The following TXNDC16 variants were observed in gnomAD, a reference collection of about 807,000 sequenced individuals.
TXNDC16 encodes the protein thioredoxin domain containing 16, also known as thioredoxin domain-containing protein 16.
A neutral mutation model predicts 85.6 loss-of-function variants in TXNDC16; 74 were observed. The observed-to-expected ratio is 0.86, with a 90% CI of 0.72 to 1.05. The LOEUF is 1.05. TXNDC16 is among the 50% of genes least tolerant of loss of function. TXNDC16 has a pLI of 0.00. For missense variants in TXNDC16, 959 were observed against 947.0 expected, an observed-to-expected ratio of 1.01 and a Z score of -0.17; for synonymous variants, 335 against 326.5, an observed-to-expected ratio of 1.03 and a Z score of -0.28.
At chr14:52,543,009 C>T (rs1363544302) in intron 3 of TXNDC16, among the ~76,000 whole-genome samples, 2 of 151,922 alleles carry the variant, frequency 1.3e-5, no homozygotes, top group Admixed American at 1.3e-4. Context: ...TAAAGCATTA[C>T]ATTTAAAGTT....
chr14:52,549,731 C>T (rs146047337), intron 1 of TXNDC16, among the ~76,000 whole-genome samples: 75 of 151,848 alleles, frequency 4.9e-4, no homozygotes, highest in African/African-American at 1.5e-3. Context: ...TCTGCCTCCC[C>T]GGTTCATGCC....
intron 6 of TXNDC16, among the ~76,000 whole-genome samples, chr14:52,527,069 T>C (rs1034498576): frequency 3.3e-5 from 5 of 152,342 alleles, no homozygotes; most frequent in African/African-American, 9.6e-5. Context: ...TCCTTTGCGA[T>C]ACTCTTTGTA....
intron 7 of TXNDC16, among the ~76,000 whole-genome samples, chr14:52,516,997 C>T (rs1358372766): frequency 5.9e-5 from 9 of 152,082 alleles, no homozygotes; most frequent in Admixed American, 2.0e-4. Flanking sequence ...AGTCATCCTT[C>T]TTCAATCATA....
intron 16 of TXNDC16, among the ~76,000 whole-genome samples, chr14:52,459,877 A>C (rs1043960208): frequency 2.0e-5 from 3 of 152,020 alleles, no homozygotes; most frequent in African/African-American, 7.2e-5. Flanking sequence ...CATGTTAAAA[A>C]CTCTCAATAT....
At chr14:52,547,457 A>T (rs749532649) in intron 1 of TXNDC16, among the ~76,000 whole-genome samples, 8 of 152,246 alleles carry the variant, frequency 5.3e-5, no homozygotes, top group Admixed American at 6.5e-5. Flanking sequence ...TAATAATTTT[A>T]AAATTGGGCT....
intron 16 of TXNDC16, among the ~76,000 whole-genome samples, chr14:52,466,633 G>A (rs1353255522): frequency 1.3e-5 from 2 of 151,906 alleles, no homozygotes; most frequent in Non-Finnish European, 2.9e-5. Flanking sequence ...TTGGGAGGCC[G>A]AGATAGGCGG....
intron 20 of TXNDC16, among the ~76,000 whole-genome samples, chr14:52,437,555 G>A (rs1206586553): frequency 1.3e-5 from 2 of 151,874 alleles, no homozygotes; most frequent in African/African-American, 4.8e-5. Context: ...GGACAAATGG[G>A]ATCACATCAA....
At chr14:52,482,113 A>C in intron 14 of TXNDC16, 117 bp downstream of exon 14, 1 of 882,324 alleles carries the variant, frequency 1.1e-6, no homozygotes, top group Non-Finnish European at 1.7e-6. Flanking sequence ...AACCCTGGAG[A>C]CACAAACATA....
intron 14 of TXNDC16, among the ~76,000 whole-genome samples, chr14:52,480,711 T>A (rs2036124536): frequency 6.6e-6 from 1 of 151,982 alleles, no homozygotes; most frequent in African/African-American, 2.4e-5. Context: ...GGAACTCTTC[T>A]ACTCTGCTGG....
At chr14:52,453,735 T>G (rs1005051655) in intron 18 of TXNDC16, among the ~76,000 whole-genome samples, 2 of 152,174 alleles carry the variant, frequency 1.3e-5, no homozygotes, top group Non-Finnish European at 2.9e-5. Flanking sequence ...TGAATGAAAC[T>G]AGACTGCTAT....
intron 3 of TXNDC16, 34 bp downstream of exon 3, chr14:52,543,364 A>T: frequency 6.3e-7 from 1 of 1,580,640 alleles, no homozygotes; most frequent in Non-Finnish European, 8.6e-7. Context: ...TAAAAACATC[A>T]CAAGAATCAT....
At chr14:52,462,716 C>T in intron 16 of TXNDC16, 1 of 333,740 alleles carries the variant, frequency 3.0e-6, no homozygotes, top group South Asian at 2.4e-5. Context: ...CAATAGGCAT[C>T]CCTGAATAAG....
chr14:52,505,685 AG>A (rs2036781073), intron 9 of TXNDC16, among the ~76,000 whole-genome samples: 1 of 152,222 alleles, frequency 6.6e-6, no homozygotes, highest in African/African-American at 2.4e-5. Flanking sequence ...CACATTCAAA[AG>A]CTACCAGAAG....
intron 16 of TXNDC16, among the ~76,000 whole-genome samples, chr14:52,467,537 A>G (rs1434838307): frequency 6.6e-6 from 1 of 152,216 alleles, no homozygotes; most frequent in African/African-American, 2.4e-5. Flanking sequence ...AATCAAAGCC[A>G]CAACAAGATA....
chr14:52,507,685 A>G (rs2036845278), intron 9 of TXNDC16, among the ~76,000 whole-genome samples: 1 of 152,236 alleles, frequency 6.6e-6, no homozygotes, highest in South Asian at 2.1e-4. Flanking sequence ...TACAGTAACC[A>G]AAACAGCATG....
intron 6 of TXNDC16, among the ~76,000 whole-genome samples, chr14:52,520,649 T>C (rs2037189100): frequency 6.6e-6 from 1 of 151,954 alleles, no homozygotes; most frequent in South Asian, 2.1e-4. Context: ...TAAATAAAGT[T>C]GTCTACTTCT....
chr14:52,470,817 T>C (rs2035890093), intron 14 of TXNDC16, 137 bp from the exon 15 acceptor site: 3 of 731,814 alleles, frequency 4.1e-6, no homozygotes, highest in Non-Finnish European at 6.3e-6. Flanking sequence ...CTCTCTTCCC[T>C]TGATCTTTGC....
chr14:52,452,221 G>A (rs1376377339), intron 18 of TXNDC16, among the ~76,000 whole-genome samples: 1 of 152,136 alleles, frequency 6.6e-6, no homozygotes, highest in East Asian at 1.9e-4. Flanking sequence ...TTGATGGACT[G>A]GAAGAATCAC....
intron 1 of TXNDC16, 119 bp from the exon 2 acceptor site, chr14:52,544,490 TGCAAGCTCACTATCTCAAAATAGGCAATA>T (rs1475606238): frequency 6.6e-6 from 1 of 152,060 alleles, no homozygotes; most frequent in Non-Finnish European, 1.5e-5. Context: ...CTCTTTCAAA[TGCAAGCTCACTATCTCAAAATAGGCAATA>T]GGAAAAAACA....
Sources: gnomAD v4.1 joint callset for allele counts (sites outside exome capture counted in the v4.1 genomes callset) on GRCh38, gnomAD v4.1.1 for gene constraint, MANE v1.5 for transcripts, NCBI Gene and HGNC (gene_info 2026-07-23, HGNC 2026-07-21) for gene names.